HECW1: variants seen among roughly 807,000 people sequenced by gnomAD.
HECW1 encodes the protein E3 ubiquitin-protein ligase HECW1.
A neutral mutation model predicts 182.3 loss-of-function variants in HECW1; 61 were observed. The observed-to-expected ratio is 0.33, with a 90% confidence interval of 0.27 to 0.41. The LOEUF is 0.41. HECW1 is among the 10% of genes least tolerant of loss of function. The pLI, the probability that HECW1 is intolerant of heterozygous loss-of-function variation, is 1.00. For synonymous variants in HECW1, 859 were observed against 832.6 expected (o/e 1.03, Z -0.55); for missense variants, 1,739 against 2,108.9 (o/e 0.82, Z 3.44).
At chr7:43,513,749 A>G (rs936516390) in intron 24 of HECW1, among the ~76,000 whole-genome samples, 1 of 151,704 alleles carries the variant, frequency 6.6e-6, no homozygotes, top group East Asian at 1.9e-4. Flanking sequence ...CCTTTGACCT[A>G]AAGAGACTTT....
At chr7:43,489,090 C>T (rs911248339) in intron 17 of HECW1, among the ~76,000 whole-genome samples, 1 of 152,130 alleles carries the variant, frequency 6.6e-6, no homozygotes, top group African/African-American at 2.4e-5. Context: ...TGGGTGATGC[C>T]CTGACAGTTA....
rs906450837 is a variant in HECW1, at chr7:43,168,498, AT to A, written c.-32+54116del. On this transcript the variant is annotated intron_variant, in intron 2 of 29. Transcript: ENST00000395891. ...CATACTGAGACCCTATCTTCTCAAA[AT>A]TTTTTTTTAAATTAGCCAGGCATGA... is the stretch of plus-strand genomic sequence containing the variant. 2.2e-3 allele frequency among the ~76,000 whole-genome samples: 329 copies of A among 151,654 alleles called. 2 individuals are homozygous for A. Among genetic ancestry groups the A allele is most frequent in the African/African-American group, 7.4e-3 (305 of 41,320 alleles).
At chr7:43,469,906 C>T (rs1034742194) in intron 16 of HECW1, among the ~76,000 whole-genome samples, 1 of 152,164 alleles carries the variant, frequency 6.6e-6, no homozygotes, top group Non-Finnish European at 1.5e-5. Flanking sequence ...TGCAAAGCCA[C>T]GTTCCCCAAA....
At chr7:43,397,034 T>C in intron 7 of HECW1, 145 bp downstream of exon 7, 1 of 649,090 alleles carries the variant, frequency 1.5e-6, no homozygotes, top group Non-Finnish European at 2.8e-6. Context: ...AAAATGTTTT[T>C]TAAATCTGTT....
At position 43,463,683 on chromosome 7, in the gene HECW1, T is replaced by C; in HGVS notation, c.2675T>C (p.Ile892Thr). The C allele has an allele frequency of 6.2e-7, 1 of 1,613,952 alleles. No homozygotes were observed. Among genetic ancestry groups the C allele is most frequent in the Non-Finnish European group, 8.5e-7 (1 of 1,179,932 alleles). ...NRRYQNIQRT[I>T]ATERSEEDSG... Reference sequence around the variant, plus strand: ...AGGTATCAAAACATTCAGCGAACCATTGCAACAGAGAGGTCCGAAGAAGAT... The same window carrying C: ...AGGTATCAAAACATTCAGCGAACCACTGCAACAGAGAGGTCCGAAGAAGAT... Residue 892 changes from isoleucine to threonine, a missense_variant, in exon 14 of 30, where the codon ATT (isoleucine) becomes ACT (threonine). Ile to Thr is a moderately conservative substitution (Grantham distance 89). This residue lies in a region of HECW1 where 971 missense variants were observed against 1,029.1 expected (regional missense o/e 0.94). Coordinates refer to ENST00000395891, the MANE Select transcript of HECW1 (RefSeq NM_015052.5).
chr7:43,236,173 G>A (rs901847316), intron 2 of HECW1, among the ~76,000 whole-genome samples: 48 of 152,300 alleles, frequency 3.2e-4, no homozygotes, highest in African/African-American at 1.0e-3. Context: ...GTGGGCATAT[G>A]AATGGAAAGA....
chr7:43,378,629 A>G (rs2074418842), intron 6 of HECW1, among the ~76,000 whole-genome samples: 1 of 152,126 alleles, frequency 6.6e-6, no homozygotes, highest in East Asian at 1.9e-4. Context: ...ACATAGTGAA[A>G]CCCCATTTCT....
intron 19 of HECW1, among the ~76,000 whole-genome samples, chr7:43,494,339 T>G (rs2079037886): frequency 6.6e-6 from 1 of 152,064 alleles, no homozygotes; most frequent in South Asian, 2.1e-4. Context: ...GGTTCAAGTT[T>G]AGGTGCTCAT....
At chr7:43,554,173 C>T (rs917361230) in intron 28 of HECW1, among the ~76,000 whole-genome samples, 2 of 152,154 alleles carry the variant, frequency 1.3e-5, no homozygotes, top group African/African-American at 4.8e-5. Flanking sequence ...CTAGACTCTC[C>T]CGTGGTATGT....
intron 3 of HECW1, among the ~76,000 whole-genome samples, chr7:43,262,512 A>C (rs938677880): frequency 3.3e-5 from 5 of 152,130 alleles, no homozygotes; most frequent in African/African-American, 4.8e-5. Context: ...CCCAGTCTTC[A>C]TGATTTTAAA....
chr7:43,123,513 G>C (rs191496367), intron 2 of HECW1, among the ~76,000 whole-genome samples: 1 of 152,274 alleles, frequency 6.6e-6, no homozygotes, highest in Admixed American at 6.5e-5. Context: ...GGAGCAGGGA[G>C]CACTTTCTGT....
intron 24 of HECW1, among the ~76,000 whole-genome samples, chr7:43,527,784 T>C (rs2080817368): frequency 6.6e-6 from 1 of 152,216 alleles, no homozygotes; most frequent in Non-Finnish European, 1.5e-5. Context: ...ACACCAGATT[T>C]TGATAGAAAA....
chr7:43,552,395 A>C (rs1045326926), intron 28 of HECW1, 59 bp downstream of exon 28: 109 of 1,107,198 alleles, frequency 9.8e-5, no homozygotes, highest in Non-Finnish European at 1.4e-4. Flanking sequence ...GCACTTTCCA[A>C]AAGATTGTTT....
At chr7:43,551,660 A>G (rs574381076) in intron 27 of HECW1, among the ~76,000 whole-genome samples, 1 of 152,298 alleles carries the variant, frequency 6.6e-6, no homozygotes, top group South Asian at 2.1e-4. Context: ...TTAGGAGTGG[A>G]GCATGCGATT....
chr7:43,503,531 A>G (rs532945095), intron 21 of HECW1, among the ~76,000 whole-genome samples: 4 of 152,358 alleles, frequency 2.6e-5, no homozygotes, highest in African/African-American at 9.6e-5. Context: ...GATATTCTAA[A>G]AGGAATAAAC....
chr7:43,387,564 C>T (rs535641072), intron 6 of HECW1, among the ~76,000 whole-genome samples: 1 of 152,360 alleles, frequency 6.6e-6, no homozygotes, highest in South Asian at 2.1e-4. Flanking sequence ...AGCAGCAAGA[C>T]ATTTACATAG....
intron 6 of HECW1, among the ~76,000 whole-genome samples, chr7:43,361,400 G>T (rs1326403096): frequency 6.6e-6 from 1 of 152,002 alleles, no homozygotes; most frequent in African/African-American, 2.4e-5. Context: ...AATGGAGTAG[G>T]ATTTATTGCC....
At chr7:43,420,210 A>C (rs2076136160) in intron 8 of HECW1, among the ~76,000 whole-genome samples, 1 of 152,236 alleles carries the variant, frequency 6.6e-6, no homozygotes, top group African/African-American at 2.4e-5. Context: ...AGGTCTTTGA[A>C]TAAATTTTGC....
intron 2 of HECW1, among the ~76,000 whole-genome samples, chr7:43,233,879 G>T (rs1266150847): frequency 6.6e-6 from 1 of 152,220 alleles, no homozygotes; most frequent in Admixed American, 6.5e-5. Context: ...AATAGAAGCT[G>T]TGATAGCCTC....
Sources: allele counts gnomAD v4.1 joint callset (sites outside exome capture counted in the v4.1 genomes callset), GRCh38; gene constraint gnomAD v4.1.1; regional missense constraint gnomAD v4.1.1; transcripts MANE v1.5; gene names NCBI Gene and HGNC (gene_info 2026-07-23, HGNC 2026-07-21).